Variants in ELP4 observed in about 807,000 individuals in gnomAD.
The protein encoded by ELP4 is elongator acetyltransferase complex subunit 4.
Under a neutral mutation model 48.9 loss-of-function variants are expected in ELP4, and 51 were observed. That is an observed-to-expected ratio of 1.04 (90% CI 0.83 to 1.32). ELP4 has a LOEUF of 1.32. Ranked by LOEUF, ELP4 falls within the 40% of genes most tolerant of loss-of-function variation. The probability of loss-of-function intolerance (pLI) is 0.00; values close to 1 mark genes in which losing one functional copy is unlikely to be tolerated. For missense variants in ELP4, 519 were observed against 514.6 expected (o/e 1.01, Z -0.08); for synonymous variants, 210 against 189.2 (o/e 1.11, Z -0.90).
At chr11:31,585,924 A>C (rs1957464685) in intron 3 of ELP4, among the ~76,000 whole-genome samples, 1 of 152,170 alleles carries the variant, frequency 6.6e-6, no homozygotes, top group Non-Finnish European at 1.5e-5. Context: ...GTCTCTACAA[A>C]AAATTTAAAA....
At chr11:31,558,223 T>C (rs1029966409) in intron 3 of ELP4, among the ~76,000 whole-genome samples, 1 of 151,932 alleles carries the variant, frequency 6.6e-6, no homozygotes, top group African/African-American at 2.4e-5. Flanking sequence ...TAGAGCTTCT[T>C]TGGCAAAGTA....
At chr11:31,776,909 A>G (rs2134279448) in intron 9 of ELP4, among the ~76,000 whole-genome samples, 1 of 152,336 alleles carries the variant, frequency 6.6e-6, no homozygotes, top group East Asian at 1.9e-4. Context: ...GTTTAGCAGA[A>G]TTTGCTCCAG....
chr11:31,515,053 A>ATATATATATATG (rs139261349), intron 1 of ELP4, among the ~76,000 whole-genome samples: 84 of 149,138 alleles, frequency 5.6e-4, no homozygotes, highest in African/African-American at 2.0e-3. Context: ...ATATATATAT[A>ATATATATATATG]TATGTATAGG....
chr11:31,735,605 C>G (rs1947294408), intron 9 of ELP4, among the ~76,000 whole-genome samples: 1 of 152,118 alleles, frequency 6.6e-6, no homozygotes, highest in South Asian at 2.1e-4. Flanking sequence ...TCTCCTTAAG[C>G]TGATAAGCAA....
chr11:31,632,509 T>C, intron 7 of ELP4, 104 bp downstream of exon 7: 1 of 906,190 alleles, frequency 1.1e-6, no homozygotes, highest in Non-Finnish European at 1.6e-6. Context: ...TGACCATCTT[T>C]TCAGGTGCTT....
chr11:31,685,592 T>C (rs1478436820), intron 9 of ELP4, among the ~76,000 whole-genome samples: 3 of 152,142 alleles, frequency 2.0e-5, no homozygotes, highest in Non-Finnish European at 4.4e-5. Context: ...AGTGAAGACA[T>C]ATGAAATGCA....
At chr11:31,744,867 A>G (rs1164914007) in intron 9 of ELP4, among the ~76,000 whole-genome samples, 2 of 152,142 alleles carry the variant, frequency 1.3e-5, no homozygotes, top group Admixed American at 1.3e-4. Flanking sequence ...CCTATTCAAC[A>G]TAGTGTTGGA....
chr11:31,578,030 G>T (rs1957317071), intron 3 of ELP4, among the ~76,000 whole-genome samples: 1 of 152,192 alleles, frequency 6.6e-6, no homozygotes, highest in African/African-American at 2.4e-5. Context: ...TGATGTGATT[G>T]TATATTTAGA....
At chr11:31,738,615 A>G (rs1947374715) in intron 9 of ELP4, among the ~76,000 whole-genome samples, 1 of 151,952 alleles carries the variant, frequency 6.6e-6, no homozygotes, top group Admixed American at 6.6e-5. Context: ...ATGCGCCTAT[A>G]GTCTCAGCGC....
At position 31,743,714 on chromosome 11, in the gene ELP4, A is replaced by C. The variant is rs1307761765; in HGVS notation, c.1144-39679A>C. On this transcript the variant is annotated intron_variant, in intron 9 of 9. Coordinates refer to ENST00000640961, the MANE Select transcript of ELP4 (RefSeq NM_019040.5). Reference sequence around the variant, plus strand: ...TTGCAACCAACGAGAACAAAGACACAACATACCAGAATCTCTGGGACACAT... The same window carrying C: ...TTGCAACCAACGAGAACAAAGACACCACATACCAGAATCTCTGGGACACAT... Among the ~76,000 whole-genome samples, 5 of 152,220 alleles carry C rather than the reference A, an allele frequency of 3.3e-5. No homozygotes were observed. The East Asian group carries it at 5.8e-4, about 18-fold the overall frequency.
intron 9 of ELP4, among the ~76,000 whole-genome samples, chr11:31,752,759 G>A (rs982098678): frequency 3.3e-5 from 5 of 151,564 alleles, no homozygotes; most frequent in African/African-American, 9.7e-5. Flanking sequence ...GCATGAACCC[G>A]GGGGGCGGAG....
At position 31,786,964 on chromosome 11, in the gene ELP4, G is replaced by T. The variant is rs1241787684; in HGVS notation, c.*3440G>T. 1 of 219,180 alleles carries T rather than the reference G, an allele frequency of 4.6e-6. No individual in the cohort carries two copies. Among genetic ancestry groups the T allele is most frequent in the African/African-American group, 2.2e-5 (1 of 44,550 alleles). 13.6% of individuals were successfully genotyped at this position (219,180 alleles called of 1,614,324 possible). A position where few individuals can be genotyped will look rare whatever the true frequency, so the allele number is the denominator to read the frequency against. ...CAAATAATCTCCATCCTGGAAGATG[G>T]TGTCAAAACATCCCTGCAGATACCC... is the stretch of plus-strand genomic sequence containing the variant. On this transcript the variant is annotated 3_prime_UTR_variant, in exon 10 of 10. Transcript: ENST00000640961.
intron 2 of ELP4, among the ~76,000 whole-genome samples, chr11:31,530,128 G>A (rs930581127): frequency 5.3e-5 from 8 of 152,104 alleles, no homozygotes; most frequent in African/African-American, 9.7e-5. Context: ...ACTTAACACC[G>A]CCTTACTAAG....
intron 9 of ELP4, among the ~76,000 whole-genome samples, chr11:31,720,901 C>G (rs1239598862): frequency 6.6e-6 from 1 of 152,182 alleles, no homozygotes; most frequent in Non-Finnish European, 1.5e-5. Context: ...CTTGCCCAGC[C>G]TAAGAAGACA....
chr11:31,693,668 T>A (rs1459197682), intron 9 of ELP4, among the ~76,000 whole-genome samples: 1 of 152,182 alleles, frequency 6.6e-6, no homozygotes, highest in Admixed American at 6.5e-5. Context: ...ATCCTTCGAG[T>A]ATATACCCAG....
chr11:31,514,975 AAT>A (rs1956080476), intron 1 of ELP4, among the ~76,000 whole-genome samples: 1 of 150,386 alleles, frequency 6.6e-6, no homozygotes, highest in Non-Finnish European at 1.5e-5. Flanking sequence ...AGTTTAGAAG[AAT>A]AGAGAAATTT....
chr11:31,742,131 G>A (rs968888051), intron 9 of ELP4, among the ~76,000 whole-genome samples: 2 of 152,210 alleles, frequency 1.3e-5, no homozygotes, highest in Non-Finnish European at 1.5e-5. Context: ...CGATTAACTG[G>A]AAGAAAGGGT....
At chr11:31,521,023 A>G (rs1267356988) in intron 2 of ELP4, among the ~76,000 whole-genome samples, 3 of 152,078 alleles carry the variant, frequency 2.0e-5, no homozygotes, top group Non-Finnish European at 4.4e-5. Flanking sequence ...ACCAGGCACC[A>G]AAAAGGTTAG....
intron 9 of ELP4, among the ~76,000 whole-genome samples, chr11:31,684,074 A>T (rs1946111759): frequency 1.3e-5 from 2 of 152,168 alleles, no homozygotes; most frequent in Non-Finnish European, 2.9e-5. Context: ...ACAACTTTGA[A>T]AGTCTAACTA....
Sources: allele counts gnomAD v4.1 joint callset (sites outside exome capture counted in the v4.1 genomes callset), GRCh38; gene constraint gnomAD v4.1.1; transcripts MANE v1.5; gene names NCBI Gene and HGNC (gene_info 2026-07-23, HGNC 2026-07-21).